Variants in TRIM35 observed in about 807,000 individuals in gnomAD.
TRIM35 encodes E3 ubiquitin-protein ligase TRIM35.
A neutral mutation model predicts 49.1 loss-of-function variants in TRIM35; 37 were observed. That is an observed-to-expected ratio of 0.75 (90% CI 0.58 to 0.99). The LOEUF (loss-of-function observed/expected upper bound fraction) is 0.99, where lower values mean the gene tolerates loss of function less well. TRIM35 is among the 50% of genes least tolerant of loss of function. TRIM35 has a pLI of 0.00. For synonymous variants in TRIM35, 302 were observed against 289.3 expected (o/e 1.04, Z -0.45); for missense variants, 648 against 702.7 (o/e 0.92, Z 0.88).
chr8:27,295,467 C>T (rs933969659), intron 2 of TRIM35, among the ~76,000 whole-genome samples: 1 of 152,136 alleles, frequency 6.6e-6, no homozygotes, highest in Admixed American at 6.5e-5. Flanking sequence ...CCAATAAACC[C>T]ATCATAAGTT....
At chr8:27,306,820 TA>T (rs1360052468) in intron 1 of TRIM35, among the ~76,000 whole-genome samples, 1 of 152,038 alleles carries the variant, frequency 6.6e-6, no homozygotes, top group African/African-American at 2.4e-5. Context: ...TGGAACAGAG[TA>T]ATGGGAGAAT....
chr8:27,309,336 TG>T, intron 1 of TRIM35, among the ~76,000 whole-genome samples: 1 of 152,244 alleles, frequency 6.6e-6, no homozygotes, highest in African/African-American at 2.4e-5. Context: ...CTTCTGCCAG[TG>T]GAAACAGGAA....
intron 1 of TRIM35, among the ~76,000 whole-genome samples, chr8:27,301,173 G>T (rs1426494380): frequency 6.6e-6 from 1 of 152,166 alleles, no homozygotes; most frequent in East Asian, 1.9e-4. Flanking sequence ...TATTAAGCAT[G>T]TACTAGACAC....
intron 3 of TRIM35, 138 bp from the exon 4 acceptor site, chr8:27,290,316 G>A: frequency 1.2e-6 from 1 of 819,238 alleles, no homozygotes; most frequent in Non-Finnish European, 1.9e-6. Flanking sequence ...TAACATCCCT[G>A]CTATGATTTG....
rs1802309824 is a variant in TRIM35, at chr8:27,285,987, A to G, written c.*1563T>C. On this transcript the variant is annotated 3_prime_UTR_variant, in exon 6 of 6. Transcript: ENST00000305364. ...GGCCCTCCTTGTGGCCTTAAGTTTT[A>G]TCTAACCAGTGTACACAACATATTT... is the stretch of plus-strand genomic sequence containing the variant. 4.9e-6 allele frequency: 2 copies of G among 408,538 alleles called. No individual in the cohort carries two copies. Among genetic ancestry groups the G allele is most frequent in the African/African-American group, 2.1e-5 (1 of 48,260 alleles). 25.3% of individuals were successfully genotyped at this position (408,538 alleles called of 1,614,324 possible). A position where few individuals can be genotyped will look rare whatever the true frequency, so the allele number is the denominator to read the frequency against.
At chr8:27,288,193 T>G in intron 5 of TRIM35, 66 bp from the exon 6 acceptor site, 1 of 1,460,562 alleles carries the variant, frequency 6.8e-7, no homozygotes, top group Non-Finnish European at 9.2e-7. Context: ...CGTGGATATC[T>G]CCAGCCCCAC....
intron 1 of TRIM35, chr8:27,304,816 T>TA: frequency 2.2e-6 from 1 of 456,810 alleles, no homozygotes; most frequent in African/African-American, 2.0e-5. Context: ...TCTTTGTCAC[T>TA]ATCCACTGGT....
intron 5 of TRIM35, 99 bp downstream of exon 5, chr8:27,289,063 G>A (rs940197877): frequency 5.8e-6 from 5 of 865,780 alleles, no homozygotes; most frequent in Non-Finnish European, 9.3e-6. Context: ...GCTCTGAGGA[G>A]GTGGGAGGTG....
At chr8:27,308,856 G>A (rs191500389) in intron 1 of TRIM35, among the ~76,000 whole-genome samples, 1 of 152,276 alleles carries the variant, frequency 6.6e-6, no homozygotes, top group East Asian at 1.9e-4. Flanking sequence ...CAGCAAGGGT[G>A]AGCCACCGGC....
rs1027514452 is a variant in TRIM35 at position 27,310,921 on chromosome 8, G to A, written c.315C>T (p.Arg105=). The change falls in exon 1 of 6, where the codon CGC becomes CGT. Residue 105 remains arginine (R), a synonymous_variant. Transcript: ENST00000305364. ...CGAGGCAGAAGAGGCTGAGCTGTCC[G>A]CGGTGCAGGCGGCAGACACGCGAGA... The part of the protein sequence containing the change: ...YRFSRVCRLH[R]GQLSLFCLED... 1.9e-6 allele frequency: 3 copies of A among 1,612,584 alleles called. No homozygotes were observed. The highest frequency in any genetic ancestry group is 2.5e-6 in the Non-Finnish European group (3 of 1,179,788).
chr8:27,310,961 C>T lies in TRIM35; in HGVS notation c.275G>A (p.Trp92Ter), dbSNP rs974827238. The change falls in exon 1 of 6, where the codon TGG (tryptophan) becomes TAG (stop). Residue 92 changes from tryptophan (W) to a stop codon, truncating the protein, a stop_gained. Transcript: ENST00000305364. LOFTEE classifies it high-confidence loss of function. Reference sequence around the variant, plus strand: ...GACACGCGAGAAGCGGTAGCTGGTCCAGCGCGCGCCCTCGGCCTCCTCGCG... The same window carrying T: ...GACACGCGAGAAGCGGTAGCTGGTCTAGCGCGCGCCCTCGGCCTCCTCGCG... ...LLREEAEGAR[W>*]TSYRFSRVCR... 6.2e-7 allele frequency: 1 copy of T among 1,612,420 alleles called. No individual in the cohort carries two copies. The highest frequency in any genetic ancestry group is 1.3e-5 in the African/African-American group (1 of 74,922).
Position 27,286,254 on chromosome 8 carries a change from C to T in TRIM35, c.*1296G>A. 4.5e-6 allele frequency: 2 copies of T among 442,788 alleles called. No individual in the cohort carries two copies. Among genetic ancestry groups the T allele is most frequent in the South Asian group, 1.6e-5 (1 of 62,814 alleles). The allele number at this position is 442,788 out of a possible 1,614,324, so 27.4% of individuals were successfully genotyped here. On this transcript the variant is annotated 3_prime_UTR_variant, in exon 6 of 6. Coordinates refer to ENST00000305364, the MANE Select transcript of TRIM35 (RefSeq NM_171982.5). ...ACAAGCCCAGGGAAAAGTCTGCAGG[C>T]ATGGTGGAGGAAGAAATTAGGGATG...
chr8:27,296,195 T>C (rs563970383), intron 2 of TRIM35, among the ~76,000 whole-genome samples: 2 of 150,150 alleles, frequency 1.3e-5, no homozygotes, highest in African/African-American at 4.9e-5. Context: ...CCAGGATACA[T>C]GTGCAGGACA....
At chr8:27,310,445 G>C (rs1322124123) in intron 1 of TRIM35, among the ~76,000 whole-genome samples, 1 of 152,312 alleles carries the variant, frequency 6.6e-6, no homozygotes, top group South Asian at 2.1e-4. Flanking sequence ...CAAGCTACAG[G>C]GCTCGTGGGC....
rs1160262611 is a variant in TRIM35 at position 27,285,285 on chromosome 8, A to G, written c.*2265T>C. The G allele has an allele frequency of 6.6e-6, 1 of 152,232 alleles. No homozygotes were observed. The highest frequency in any genetic ancestry group is 1.9e-4 in the East Asian group (1 of 5,200). The allele number at this position is 152,232 out of a possible 1,614,324, so 9.4% of individuals were successfully genotyped here. On this transcript the variant is annotated 3_prime_UTR_variant, in exon 6 of 6. Transcript: ENST00000305364. ...ATGGGATATAAAATTGTGTCACCAC[A>G]TTGGAAAACAGTTTGGGAGTCCCTC...
At chr8:27,289,113 T>G (rs767992755) in intron 5 of TRIM35, 49 bp downstream of exon 5, 2 of 1,520,218 alleles carry the variant, frequency 1.3e-6, no homozygotes, top group East Asian at 2.3e-5. Flanking sequence ...TTTGCTAACA[T>G]GAAGGGCTTC....
intron 4 of TRIM35, 111 bp from the exon 5 acceptor site, chr8:27,289,391 T>C: frequency 1.2e-6 from 1 of 835,122 alleles, no homozygotes; most frequent in Non-Finnish European, 2.0e-6. Context: ...CAGGCCCAAG[T>C]TTCCTGGCCA....
intron 1 of TRIM35, among the ~76,000 whole-genome samples, chr8:27,300,456 C>G (rs375291336): frequency 2.0e-5 from 3 of 151,886 alleles, no homozygotes; most frequent in African/African-American, 7.3e-5. Context: ...TCATGAGACA[C>G]CTTGAGGCAG....
At chr8:27,295,273 C>T (rs1445811663) in intron 2 of TRIM35, among the ~76,000 whole-genome samples, 2 of 152,120 alleles carry the variant, frequency 1.3e-5, no homozygotes, top group Non-Finnish European at 2.9e-5. Flanking sequence ...TAACTGAATA[C>T]ACAGAAAAAT....
Sources: allele counts gnomAD v4.1 joint callset (sites outside exome capture counted in the v4.1 genomes callset), GRCh38; gene constraint gnomAD v4.1.1; transcripts MANE v1.5; gene names NCBI Gene and HGNC (gene_info 2026-07-23, HGNC 2026-07-21).